Variants in EPHA7 observed in about 807,000 individuals in gnomAD.
The protein encoded by EPHA7 is ephrin type-A receptor 7.
Under a neutral mutation model 112.6 loss-of-function variants are expected in EPHA7, and 25 were observed. The ratio of observed to expected loss-of-function variants is 0.22; its 90% CI spans 0.16 to 0.31. The LOEUF (loss-of-function observed/expected upper bound fraction) is 0.31. EPHA7 is among the 10% of genes least tolerant of loss of function. EPHA7 has a pLI of 1.00. For missense variants in EPHA7, 962 were observed against 1,212.6 expected, an observed-to-expected ratio of 0.79 and a Z score of 3.07; for synonymous variants, 437 against 406.5, an observed-to-expected ratio of 1.07 and a Z score of -0.90.
At chr6:93,372,647 T>G (rs113478163) in intron 3 of EPHA7, among the ~76,000 whole-genome samples, 2,387 of 152,216 alleles carry the variant, frequency 0.016, 59 homozygotes, top group African/African-American at 0.055. Context: ...TTATTTCCAT[T>G]ACATCTTTGC....
At chr6:93,362,692 G>C (rs1160156178) in intron 3 of EPHA7, among the ~76,000 whole-genome samples, 1 of 152,066 alleles carries the variant, frequency 6.6e-6, no homozygotes, top group African/African-American at 2.4e-5. Context: ...GGACCAATCA[G>C]GGTACTGGTA....
In EPHA7 at chr6:93,256,044, G is replaced by A. The variant is rs1770428620; in HGVS notation, c.2173-7C>T. On this transcript the variant is annotated splice_polypyrimidine_tract_variant and splice_region_variant and intron_variant, in intron 12 of 16. Transcript: ENST00000369303. ...TAAATTGCCCATCATGTTTCTGCAG[G>A]AAGACAAAAATAAAAGCCCAGTTAA... The A allele has an allele frequency of 6.2e-7, 1 of 1,613,172 alleles. No homozygotes were observed. Among genetic ancestry groups the A allele is most frequent in the African/African-American group, 1.3e-5 (1 of 74,828 alleles).
At chr6:93,273,629 G>A (rs1332964501) in intron 5 of EPHA7, among the ~76,000 whole-genome samples, 1 of 151,936 alleles carries the variant, frequency 6.6e-6, no homozygotes, top group Non-Finnish European at 1.5e-5. Context: ...CGTAACGAGG[G>A]CAGTTTAAGT....
rs562199077 is a variant in EPHA7 at position 93,399,189 on chromosome 6, C to T, written c.832+11312G>A. 1.3e-5 allele frequency among the ~76,000 whole-genome samples: 2 copies of T among 152,096 alleles called. 1 individual carries two copies. The highest frequency in any genetic ancestry group is 4.1e-4 in the South Asian group (2 of 4,828). On this transcript the variant is annotated intron_variant, in intron 3 of 16. Transcript: ENST00000369303. ...CAGTTTCTGATCACGTAAGAGGTGC[C>T]CACTGTTCTCATTTTAAAACACATT...
intron 5 of EPHA7, among the ~76,000 whole-genome samples, chr6:93,316,241 G>A (rs1433827984): frequency 2.0e-5 from 3 of 152,128 alleles, no homozygotes; most frequent in African/African-American, 7.2e-5. Flanking sequence ...ATTTAACAAT[G>A]CATATGTAGG....
chr6:93,254,101 A>G (rs1582394866), intron 14 of EPHA7, among the ~76,000 whole-genome samples: 1 of 152,206 alleles, frequency 6.6e-6, no homozygotes, highest in South Asian at 2.1e-4. Context: ...TTTTAAAAGG[A>G]ATTTCCAAAG....
chr6:93,354,071 T>A (rs1775824057), intron 5 of EPHA7, among the ~76,000 whole-genome samples: 3 of 152,264 alleles, frequency 2.0e-5, no homozygotes, highest in South Asian at 4.1e-4. Context: ...AGGAGGAAGA[T>A]AACCAACCAG....
chr6:93,300,493 T>C (rs1287988810), intron 5 of EPHA7, among the ~76,000 whole-genome samples: 1 of 152,164 alleles, frequency 6.6e-6, no homozygotes, highest in Non-Finnish European at 1.5e-5. Context: ...CAATTTTTTA[T>C]AATTTTATGA....
At chr6:93,405,902 T>C (rs887428252) in intron 3 of EPHA7, among the ~76,000 whole-genome samples, 3 of 146,638 alleles carry the variant, frequency 2.0e-5, no homozygotes, top group Non-Finnish European at 3.0e-5. Flanking sequence ...AATTTCATGG[T>C]ACAAATTACA....
intron 3 of EPHA7, among the ~76,000 whole-genome samples, chr6:93,405,055 A>G (rs1778628181): frequency 6.6e-6 from 1 of 151,902 alleles, no homozygotes; most frequent in Admixed American, 6.6e-5. Flanking sequence ...AGTGTACAAA[A>G]ATAAAAGTTA....
At chr6:93,367,803 C>T (rs1776590998) in intron 3 of EPHA7, among the ~76,000 whole-genome samples, 1 of 152,114 alleles carries the variant, frequency 6.6e-6, no homozygotes. Context: ...ACTTAGTATG[C>T]TGCCTGGCAT....
At position 93,245,406 on chromosome 6, in the gene EPHA7, A is replaced by T; in HGVS notation, c.2774T>A (p.Phe925Tyr). 6.2e-7 allele frequency: 1 copy of T among 1,613,820 alleles called. No individual in the cohort carries two copies. The highest frequency in any genetic ancestry group is 8.5e-7 in the Non-Finnish European group (1 of 1,179,868). ...LDQNTPDFTT[F>Y]CSVGEWLQAI... ...TTGTAGCCATTCTCCAACTGAACAAAAGGTAGTGAAATCAGGAGTGTTTTG... is the reference window on the plus strand; with the variant it reads ...TTGTAGCCATTCTCCAACTGAACAATAGGTAGTGAAATCAGGAGTGTTTTG... The change falls in exon 16 of 17, where the codon TTT (phenylalanine) becomes TAT (tyrosine). Residue 925 changes from phenylalanine (F) to tyrosine (Y), a missense_variant. By Grantham distance (22) the Phe-to-Tyr change is conservative. Coordinates refer to ENST00000369303, the MANE Select transcript of EPHA7 (RefSeq NM_004440.4).
chr6:93,411,950 A>C (rs1158111735), intron 2 of EPHA7, among the ~76,000 whole-genome samples: 1 of 152,112 alleles, frequency 6.6e-6, no homozygotes. Context: ...ATATGTTGAT[A>C]TAATGTACAT....
intron 10 of EPHA7, 102 bp downstream of exon 10, chr6:93,259,252 A>G: frequency 7.0e-7 from 1 of 1,437,962 alleles, no homozygotes; most frequent in Non-Finnish European, 9.5e-7. Flanking sequence ...TAAATGCAAA[A>G]GTTCTATACT....
chr6:93,411,402 A>G (rs1413668744), intron 2 of EPHA7, among the ~76,000 whole-genome samples: 1 of 152,090 alleles, frequency 6.6e-6, no homozygotes, highest in Non-Finnish European at 1.5e-5. Context: ...ATTTTGTTTA[A>G]TATCTTTCTG....
At chr6:93,288,288 A>T (rs1372242889) in intron 5 of EPHA7, among the ~76,000 whole-genome samples, 1 of 152,324 alleles carries the variant, frequency 6.6e-6, no homozygotes, top group Admixed American at 6.5e-5. Flanking sequence ...GTACCTCAAA[A>T]AATTAGGCTA....
chr6:93,366,881 G>C (rs1374780676), intron 3 of EPHA7, among the ~76,000 whole-genome samples: 1 of 151,582 alleles, frequency 6.6e-6, no homozygotes, highest in Non-Finnish European at 1.5e-5. Flanking sequence ...AAACCCTTCT[G>C]GATGTCACTC....
intron 3 of EPHA7, among the ~76,000 whole-genome samples, chr6:93,402,229 C>T (rs1486891866): frequency 1.3e-5 from 2 of 151,872 alleles, no homozygotes; most frequent in Admixed American, 1.3e-4. Context: ...TCTTTATTTA[C>T]TGAAACAAGT....
At chr6:93,359,811 G>A (rs1582591554) in intron 3 of EPHA7, among the ~76,000 whole-genome samples, 1 of 150,518 alleles carries the variant, frequency 6.6e-6, no homozygotes, top group African/African-American at 2.4e-5. Flanking sequence ...TCAATTTAAA[G>A]GTATGTTATG....
Sources: allele counts gnomAD v4.1 joint callset (sites outside exome capture counted in the v4.1 genomes callset), GRCh38; gene constraint gnomAD v4.1.1; transcripts MANE v1.5; gene names NCBI Gene and HGNC (gene_info 2026-07-23, HGNC 2026-07-21).